The following GPR158 variants were observed in gnomAD, a reference collection of about 807,000 sequenced individuals.
The protein encoded by GPR158 is metabotropic glycine receptor.
GPR158 carries 30 observed loss-of-function variants against 78.2 expected under a neutral mutation model. That is an observed-to-expected ratio of 0.38 (90% CI 0.29 to 0.52). The LOEUF (loss-of-function observed/expected upper bound fraction) is 0.52, where lower values mean the gene tolerates loss of function less well. GPR158 is among the 20% of genes least tolerant of loss of function. GPR158 has a pLI of 0.83. For missense variants in GPR158, 1,463 were observed against 1,523.5 expected, an observed-to-expected ratio of 0.96 and a Z score of 0.66; for synonymous variants, 581 against 591.1, an observed-to-expected ratio of 0.98 and a Z score of 0.25.
chr10:25,272,410 A>G (rs571693767), intron 2 of GPR158, among the ~76,000 whole-genome samples: 8 of 152,118 alleles, frequency 5.3e-5, no homozygotes, highest in Non-Finnish European at 8.8e-5. Context: ...GATTTATTTT[A>G]TACTTCCTTT....
intron 5 of GPR158, among the ~76,000 whole-genome samples, chr10:25,516,966 T>C (rs1836184358): frequency 6.7e-6 from 1 of 149,236 alleles, no homozygotes; most frequent in Admixed American, 6.6e-5. Context: ...TTGGGCAGTA[T>C]GGCCATTTTC....
intron 2 of GPR158, among the ~76,000 whole-genome samples, chr10:25,232,461 A>G (rs1415762443): frequency 6.6e-6 from 1 of 152,228 alleles, no homozygotes; most frequent in African/African-American, 2.4e-5. Flanking sequence ...GCTTAGCTAC[A>G]GCCCTTGGCT....
chr10:25,351,491 G>A (rs1203558175), intron 2 of GPR158, among the ~76,000 whole-genome samples: 1 of 151,864 alleles, frequency 6.6e-6, no homozygotes, highest in Non-Finnish European at 1.5e-5. Flanking sequence ...ACCAGGCAAC[G>A]TAGGATAAAA....
chr10:25,304,494 G>A (rs928743597), intron 2 of GPR158, among the ~76,000 whole-genome samples: 20 of 152,002 alleles, frequency 1.3e-4, no homozygotes, highest in African/African-American at 4.6e-4. Flanking sequence ...TAATCTCTCA[G>A]TGCCTGTTTT....
chr10:25,408,195 G>T (rs936635025), intron 3 of GPR158, among the ~76,000 whole-genome samples: 2 of 152,182 alleles, frequency 1.3e-5, no homozygotes, highest in African/African-American at 4.8e-5. Flanking sequence ...GCAAAGATTT[G>T]TGTGAGAAGG....
chr10:25,350,559 T>A (rs1377791422), intron 2 of GPR158, among the ~76,000 whole-genome samples: 1 of 152,062 alleles, frequency 6.6e-6, no homozygotes, highest in Non-Finnish European at 1.5e-5. Flanking sequence ...TTTCCTAATT[T>A]TAAAAGGATT....
chr10:25,456,378 C>G (rs569693511), intron 4 of GPR158, among the ~76,000 whole-genome samples: 1 of 152,162 alleles, frequency 6.6e-6, no homozygotes, highest in Non-Finnish European at 1.5e-5. Flanking sequence ...CTTTGTTTTA[C>G]ACTTTTTCTG....
At chr10:25,214,876 T>A (rs1853185364) in intron 1 of GPR158, among the ~76,000 whole-genome samples, 1 of 152,144 alleles carries the variant, frequency 6.6e-6, no homozygotes, top group Admixed American at 6.6e-5. Flanking sequence ...AACTTCTAGC[T>A]TAAAGAATTG....
chr10:25,562,182 T>G (rs1026744436), intron 6 of GPR158, among the ~76,000 whole-genome samples: 4 of 152,172 alleles, frequency 2.6e-5, no homozygotes, highest in African/African-American at 9.7e-5. Context: ...CTGACTCTAA[T>G]GAGTCTTTTT....
At chr10:25,208,477 G>C in intron 1 of GPR158, among the ~76,000 whole-genome samples, 1 of 151,500 alleles carries the variant, frequency 6.6e-6, no homozygotes, top group East Asian at 1.9e-4. Context: ...TCTTATATTG[G>C]TATATATGAT....
At chr10:25,469,979 T>A (rs944813199) in intron 5 of GPR158, among the ~76,000 whole-genome samples, 1 of 151,924 alleles carries the variant, frequency 6.6e-6, no homozygotes, top group African/African-American at 2.4e-5. Flanking sequence ...AACATGAAAA[T>A]TAGACTGACT....
intron 5 of GPR158, among the ~76,000 whole-genome samples, chr10:25,534,649 G>A (rs952542508): frequency 2.0e-5 from 3 of 151,862 alleles, no homozygotes; most frequent in African/African-American, 7.3e-5. Flanking sequence ...AACTATTTGG[G>A]AAGCTAACAC....
chr10:25,331,619 A>T (rs944082682), intron 2 of GPR158, among the ~76,000 whole-genome samples: 2 of 152,178 alleles, frequency 1.3e-5, no homozygotes, highest in African/African-American at 4.8e-5. Flanking sequence ...TAACCTTAAG[A>T]AAGGCTAACA....
chr10:25,355,150 A>G (rs896660180), intron 2 of GPR158, among the ~76,000 whole-genome samples: 3 of 152,010 alleles, frequency 2.0e-5, no homozygotes, highest in Admixed American at 2.0e-4. Context: ...TTCTACTTCT[A>G]GATCTTGCTT....
rs1769413521 is a variant in GPR158 at position 25,482,630 on chromosome 10, C to T, written c.1404+15911C>T. 3.9e-5 allele frequency among the ~76,000 whole-genome samples: 6 copies of T among 152,042 alleles called. No homozygotes were observed. In the South Asian group the frequency reaches 1.2e-3, roughly 31 times the overall value. Reference sequence around the variant, plus strand: ...AGTTCTTGGGTCTTTTCTCTTTTCCCTTATGATCTCATCCATTCTCATAGC... The same window carrying T: ...AGTTCTTGGGTCTTTTCTCTTTTCCTTTATGATCTCATCCATTCTCATAGC... On this transcript the variant is annotated intron_variant, in intron 5 of 10. Transcript: ENST00000376351.
intron 2 of GPR158, among the ~76,000 whole-genome samples, chr10:25,312,159 A>G (rs1564418629): frequency 1.3e-5 from 2 of 151,956 alleles, no homozygotes; most frequent in South Asian, 4.1e-4. Flanking sequence ...CTTAAATGTT[A>G]TTTCCGATCT....
At chr10:25,317,095 G>A (rs1854865884) in intron 2 of GPR158, among the ~76,000 whole-genome samples, 1 of 150,794 alleles carries the variant, frequency 6.6e-6, no homozygotes, top group African/African-American at 2.4e-5. Context: ...CCAGGGTGGA[G>A]TGCAGTTGGC....
At chr10:25,365,915 T>C (rs1855715692) in intron 2 of GPR158, among the ~76,000 whole-genome samples, 4 of 151,706 alleles carry the variant, frequency 2.6e-5, no homozygotes, top group Admixed American at 2.6e-4. Flanking sequence ...TAACAGACAT[T>C]CTGGTTTTTA....
rs1329297658 is a variant in GPR158, at chr10:25,597,781, A to G, written c.2155A>G (p.Lys719Glu). The G allele has an allele frequency of 2.0e-5, 30 of 1,501,532 alleles. No homozygotes were observed. Among genetic ancestry groups the G allele is most frequent in the Non-Finnish European group, 2.6e-5 (29 of 1,126,736 alleles). The allele number at this position is 1,501,532 out of a possible 1,614,324, so 93.0% of individuals were successfully genotyped here. The change falls in exon 11 of 11, where the codon AAA (lysine) becomes GAA (glutamate). Residue 719 changes from lysine (K) to glutamate (E), a missense_variant. Physicochemically the swap from Lys to Glu is moderately conservative, Grantham distance 56. Transcript: ENST00000376351. ...GCTTTTGTTCTGGCAGGACGAGCTG[A>G]AAAAACTCTATGCCCAACTGGAAAT... is the stretch of plus-strand genomic sequence containing the variant. ...LDPEDIRDEL[K>E]KLYAQLEIYK...
Sources: gnomAD v4.1 joint callset for allele counts (sites outside exome capture counted in the v4.1 genomes callset) on GRCh38, gnomAD v4.1.1 for gene constraint, MANE v1.5 for transcripts, NCBI Gene and HGNC (gene_info 2026-07-23, HGNC 2026-07-21) for gene names.